RNF220: variants seen among roughly 807,000 people sequenced by gnomAD.
The protein encoded by RNF220 is ring finger protein 220, also known as E3 ubiquitin-protein ligase RNF220.
A neutral mutation model predicts 67.1 loss-of-function variants in RNF220; 7 were observed. The observed-to-expected ratio is 0.10, with a 90% CI of 0.06 to 0.20. The LOEUF is 0.20. Ranked by LOEUF, RNF220 falls within the 10% of genes least tolerant of loss-of-function variation. RNF220 has a pLI of 1.00. For synonymous variants in RNF220, 270 were observed against 283.2 expected (o/e 0.95, Z 0.47); for missense variants, 565 against 740.3 (o/e 0.76, Z 2.75).
chr1:44,636,045 A>G lies in RNF220; in HGVS notation c.1009A>G (p.Met337Val), dbSNP rs189767150. Reference sequence around the variant, plus strand: ...CTCTTCACAGAGGGAAGGCTCCTGCATGGCTGAGGATGATGCTGTGGACAT... The same window carrying G: ...CTCTTCACAGAGGGAAGGCTCCTGCGTGGCTGAGGATGATGCTGTGGACAT... ...QDEGQREGSC[M>V]AEDDAVDIEH... The change falls in exon 8 of 15, where the codon ATG becomes GTG. Residue 337 changes from methionine (M) to valine (V), a missense_variant. Transcript: ENST00000361799. 1.4e-4 allele frequency: 226 copies of G among 1,614,244 alleles called. No homozygotes were observed. Among genetic ancestry groups the G allele is most frequent in the Non-Finnish European group, 1.6e-4 (194 of 1,180,036 alleles).
At chr1:44,434,490 C>T (rs1650739153) in intron 2 of RNF220, among the ~76,000 whole-genome samples, 1 of 151,956 alleles carries the variant, frequency 6.6e-6, no homozygotes, top group South Asian at 2.1e-4. Context: ...GGGCGGATCA[C>T]GAGGTCAGGA....
At chr1:44,531,949 C>T (rs1660867472) in intron 2 of RNF220, among the ~76,000 whole-genome samples, 1 of 152,092 alleles carries the variant, frequency 6.6e-6, no homozygotes, top group Admixed American at 6.6e-5. Flanking sequence ...CCTGTGTCAC[C>T]CCTCTCTAAG....
intron 2 of RNF220, among the ~76,000 whole-genome samples, chr1:44,544,375 G>C (rs1341006003): frequency 1.3e-5 from 2 of 152,178 alleles, no homozygotes; most frequent in Non-Finnish European, 2.9e-5. Context: ...TGTGATCTTG[G>C]CATGCTATTT....
In RNF220 at chr1:44,650,008, A is replaced by C. The variant is rs1467795689; in HGVS notation, c.1629+51A>C. On this transcript the variant is annotated intron_variant, in intron 14 of 14. Coordinates refer to ENST00000361799, the MANE Select transcript of RNF220 (RefSeq NM_018150.4). The surrounding 1 kb of genome is among the most constrained non-coding windows in gnomAD (Gnocchi z 4.3). ...TGGGAGGCCGCTCCGGGCACTGCCCAGATGTCTGTGCTTATGCCTGAGCCT... is the reference window on the plus strand; with the variant it reads ...TGGGAGGCCGCTCCGGGCACTGCCCCGATGTCTGTGCTTATGCCTGAGCCT... 5 of 1,573,980 alleles carry C rather than the reference A, an allele frequency of 3.2e-6. No individual in the cohort carries two copies. In the African/African-American group the frequency reaches 6.7e-5, roughly 21 times the overall value.
intron 2 of RNF220, among the ~76,000 whole-genome samples, chr1:44,428,087 G>T (rs1051134204): frequency 6.6e-5 from 10 of 152,170 alleles, no homozygotes; most frequent in African/African-American, 2.4e-4. Context: ...TTATATGGGG[G>T]CTGGAGCAGG....
At chr1:44,548,949 C>A (rs201938209) in intron 2 of RNF220, among the ~76,000 whole-genome samples, 2 of 152,184 alleles carry the variant, frequency 1.3e-5, no homozygotes, top group East Asian at 3.9e-4. Flanking sequence ...CTTGTAATCC[C>A]AGCACTTTGG....
chr1:44,424,364 G>T lies in RNF220; in HGVS notation c.625+11642G>T, dbSNP rs201173053. On this transcript the variant is annotated intron_variant, in intron 2 of 14. Coordinates refer to ENST00000361799, the MANE Select transcript of RNF220 (RefSeq NM_018150.4). ...TGTTATTTATAATGCAGATTCCCAG[G>T]GCCCACACTAGACTTCATCTTCAGA... is the stretch of plus-strand genomic sequence containing the variant. 3.3e-5 allele frequency among the ~76,000 whole-genome samples: 5 copies of T among 152,130 alleles called. No homozygotes were observed. In the East Asian group the frequency reaches 9.6e-4, roughly 29 times the overall value.
chr1:44,441,541 C>T (rs557124996), intron 2 of RNF220, among the ~76,000 whole-genome samples: 6 of 152,124 alleles, frequency 3.9e-5, no homozygotes, highest in Admixed American at 2.0e-4. Context: ...GAGGATGAGC[C>T]TTGGAGATGA....
intron 2 of RNF220, among the ~76,000 whole-genome samples, chr1:44,447,820 A>T (rs1652257835): frequency 6.6e-6 from 1 of 152,172 alleles, no homozygotes; most frequent in Non-Finnish European, 1.5e-5. Flanking sequence ...CTGGTTCCAA[A>T]GCTGATGCTC....
intron 2 of RNF220, among the ~76,000 whole-genome samples, chr1:44,486,800 G>T (rs1384202397): frequency 6.6e-6 from 1 of 152,090 alleles, no homozygotes. Context: ...GTGTGGACTT[G>T]GGAAGTTGAG....
intron 2 of RNF220, among the ~76,000 whole-genome samples, chr1:44,422,396 C>G (rs894662436): frequency 3.3e-5 from 5 of 152,160 alleles, no homozygotes; most frequent in African/African-American, 4.8e-5. Context: ...CCTGACAGGC[C>G]AACCTGGTGG....
upstream of RNF220, chr1:44,405,202 TGTGTGTGTGCGCGC>T (rs1647229860): frequency 3.1e-6 from 1 of 318,166 alleles, no homozygotes; most frequent in Non-Finnish European, 5.7e-6. Flanking sequence ...TGTGCGTGCG[TGTGTGTGTGCGCGC>T]GTGTGTGTGT....
intron 2 of RNF220, 93 bp from the exon 3 acceptor site, chr1:44,614,072 C>T: frequency 6.5e-7 from 1 of 1,547,990 alleles, no homozygotes; most frequent in South Asian, 1.2e-5. Flanking sequence ...CCCTAGAGGG[C>T]AGCAGCAGGC....
chr1:44,422,277 G>A (rs914540871), intron 2 of RNF220, among the ~76,000 whole-genome samples: 1 of 152,266 alleles, frequency 6.6e-6, no homozygotes, highest in South Asian at 2.1e-4. Flanking sequence ...CTCGGCTGAG[G>A]AATCAGCAGG....
intron 2 of RNF220, among the ~76,000 whole-genome samples, chr1:44,434,207 G>C (rs958322705): frequency 1.3e-5 from 2 of 152,080 alleles, no homozygotes; most frequent in Non-Finnish European, 2.9e-5. Context: ...TTTGGGAATA[G>C]GGGGTCCTGG....
intron 2 of RNF220, among the ~76,000 whole-genome samples, chr1:44,488,079 T>G (rs1260214274): frequency 6.6e-6 from 1 of 151,100 alleles, no homozygotes; most frequent in Non-Finnish European, 1.5e-5. Context: ...CAGGTGATCC[T>G]TCTGCCTCAG....
At chr1:44,569,353 G>A (rs895881089) in intron 2 of RNF220, among the ~76,000 whole-genome samples, 9 of 151,964 alleles carry the variant, frequency 5.9e-5, no homozygotes, top group African/African-American at 1.5e-4. Context: ...GCAGAAAATC[G>A]CCTGGGAAAA....
intron 2 of RNF220, among the ~76,000 whole-genome samples, chr1:44,424,654 T>C (rs1363604427): frequency 6.6e-6 from 1 of 152,146 alleles, no homozygotes; most frequent in East Asian, 1.9e-4. Context: ...TCATCCAGTC[T>C]CCTGTCTTGG....
chr1:44,557,894 C>A (rs1004859360), intron 2 of RNF220, among the ~76,000 whole-genome samples: 5 of 152,230 alleles, frequency 3.3e-5, no homozygotes, highest in Non-Finnish European at 5.9e-5. Context: ...GGTGAGTCAT[C>A]GACCCTTCCC....
Sources: gnomAD v4.1 joint callset for allele counts (sites outside exome capture counted in the v4.1 genomes callset) on GRCh38, gnomAD v4.1.1 for gene constraint, Gnocchi (gnomAD v3.1) non-coding constraint, MANE v1.5 for transcripts, NCBI Gene and HGNC (gene_info 2026-07-23, HGNC 2026-07-21) for gene names.